Variants in SIPA1L1 observed in about 807,000 individuals in gnomAD.
SIPA1L1 encodes signal induced proliferation associated 1 like 1.
A neutral mutation model predicts 162.7 loss-of-function variants in SIPA1L1; 26 were observed. That is an observed-to-expected ratio of 0.16 (90% confidence interval 0.12 to 0.22). The LOEUF is 0.22. Ranked by LOEUF, SIPA1L1 falls within the 10% of genes least tolerant of loss-of-function variation. The pLI is 1.00. For missense variants in SIPA1L1, 1,874 were observed against 2,241.0 expected, an observed-to-expected ratio of 0.84 and a Z score of 3.31; for synonymous variants, 829 against 837.4, an observed-to-expected ratio of 0.99 and a Z score of 0.17.
At chr14:71,652,754 G>A (rs902005324) in intron 8 of SIPA1L1, among the ~76,000 whole-genome samples, 11 of 150,728 alleles carry the variant, frequency 7.3e-5, no homozygotes, top group South Asian at 2.1e-4. Flanking sequence ...TGTTAATCCC[G>A]TCCAGTGAAA....
chr14:71,352,030 A>C (rs1478746156), intron 2 of SIPA1L1, among the ~76,000 whole-genome samples: 1 of 151,404 alleles, frequency 6.6e-6, no homozygotes, highest in Non-Finnish European at 1.5e-5. Flanking sequence ...AAATAAGTAG[A>C]AAAGGAGTAT....
At chr14:71,585,767 T>C (rs1304672313) in intron 4 of SIPA1L1, among the ~76,000 whole-genome samples, 1 of 152,238 alleles carries the variant, frequency 6.6e-6, no homozygotes, top group Non-Finnish European at 1.5e-5. Context: ...AAATCTACTT[T>C]AGAAGTATTA....
chr14:71,730,958 AC>A (rs2084709971), intron 20 of SIPA1L1, among the ~76,000 whole-genome samples: 2 of 151,674 alleles, frequency 1.3e-5, no homozygotes, highest in Admixed American at 1.3e-4. Flanking sequence ...TCTCTGTCCC[AC>A]CCCATTCCAG....
At chr14:71,553,179 T>C (rs149533264) in intron 4 of SIPA1L1, among the ~76,000 whole-genome samples, 29 of 152,326 alleles carry the variant, frequency 1.9e-4, no homozygotes, top group African/African-American at 6.7e-4. Context: ...CTGGCTCAGC[T>C]TTTTTGGTGG....
intron 2 of SIPA1L1, among the ~76,000 whole-genome samples, chr14:71,333,512 C>A (rs2034778241): frequency 6.6e-6 from 1 of 152,154 alleles, no homozygotes; most frequent in South Asian, 2.1e-4. Flanking sequence ...TAAGAATTTC[C>A]TCCCATGTCG....
intron 2 of SIPA1L1, among the ~76,000 whole-genome samples, chr14:71,356,581 A>AAAAAAAAAAAAAAAAAAAAAAAAAC (rs2037281718): frequency 6.9e-6 from 1 of 144,904 alleles, no homozygotes; most frequent in African/African-American, 2.5e-5. Flanking sequence ...AAAAAAAAAA[A>AAAAAAAAAAAAAAAAAAAAAAAAAC]AAAAAAGCAC....
intron 2 of SIPA1L1, among the ~76,000 whole-genome samples, chr14:71,335,229 G>A (rs1324181333): frequency 6.6e-6 from 1 of 152,200 alleles, no homozygotes; most frequent in African/African-American, 2.4e-5. Context: ...GTGAACCCAG[G>A]AGGCGGAGCT....
At chr14:71,538,350 A>C (rs966759210) in intron 4 of SIPA1L1, among the ~76,000 whole-genome samples, 10 of 151,910 alleles carry the variant, frequency 6.6e-5, no homozygotes, top group African/African-American at 2.4e-4. Context: ...ATTCTTTGAG[A>C]TTCTTGGAGT....
intron 4 of SIPA1L1, among the ~76,000 whole-genome samples, chr14:71,542,982 C>T (rs944737408): frequency 1.3e-5 from 2 of 151,956 alleles, no homozygotes; most frequent in Non-Finnish European, 2.9e-5. Context: ...TCTGTCTTTA[C>T]CAGTCCCTCT....
intron 2 of SIPA1L1, among the ~76,000 whole-genome samples, chr14:71,381,355 A>G (rs1056662491): frequency 3.3e-5 from 5 of 152,156 alleles, no homozygotes; most frequent in African/African-American, 9.7e-5. Flanking sequence ...CCTGGCCCCA[A>G]TATGACTTAT....
At chr14:71,522,279 T>G (rs2052432034) in intron 3 of SIPA1L1, among the ~76,000 whole-genome samples, 1 of 152,152 alleles carries the variant, frequency 6.6e-6, no homozygotes, top group Non-Finnish European at 1.5e-5. Context: ...TGGTCAGTAT[T>G]TTTACTTTTA....
intron 3 of SIPA1L1, chr14:71,528,647 C>T (rs1175825863): frequency 1.3e-5 from 2 of 151,946 alleles, no homozygotes; most frequent in African/African-American, 2.4e-5. Context: ...AATGATACTC[C>T]ATCTCAAAAA....
At chr14:71,352,050 T>C (rs1184512495) in intron 2 of SIPA1L1, among the ~76,000 whole-genome samples, 2 of 151,518 alleles carry the variant, frequency 1.3e-5, no homozygotes, top group African/African-American at 4.9e-5. Context: ...TGATAAACAG[T>C]GAGACTGGTG....
At chr14:71,562,494 A>T (rs1285390896) in intron 4 of SIPA1L1, among the ~76,000 whole-genome samples, 1 of 152,174 alleles carries the variant, frequency 6.6e-6, no homozygotes, top group South Asian at 2.1e-4. Flanking sequence ...ATTTGTGTAC[A>T]TCAATAATGT....
intron 2 of SIPA1L1, among the ~76,000 whole-genome samples, chr14:71,409,541 T>C (rs2042260977): frequency 6.6e-6 from 1 of 152,196 alleles, no homozygotes; most frequent in Admixed American, 6.5e-5. Flanking sequence ...GTTTCACCTT[T>C]AGTAAAAGGA....
chr14:71,441,819 G>T (rs1230954197), intron 2 of SIPA1L1, among the ~76,000 whole-genome samples: 1 of 152,132 alleles, frequency 6.6e-6, no homozygotes, highest in Non-Finnish European at 1.5e-5. Flanking sequence ...GCTTTAAAAT[G>T]TTAGTAACAC....
At chr14:71,655,137 G>T (rs1449668778) in intron 8 of SIPA1L1, among the ~76,000 whole-genome samples, 1 of 151,982 alleles carries the variant, frequency 6.6e-6, no homozygotes, top group Non-Finnish European at 1.5e-5. Context: ...CCCCACTTTT[G>T]GACTCGCCAA....
intron 2 of SIPA1L1, among the ~76,000 whole-genome samples, chr14:71,342,962 A>G (rs987789341): frequency 7.2e-5 from 11 of 152,248 alleles, no homozygotes; most frequent in African/African-American, 2.2e-4. Context: ...AAAGAAGGCC[A>G]CGATGTGCCT....
At chr14:71,724,872 A>ACAAGC in intron 19 of SIPA1L1, 37 bp downstream of exon 19, 1 of 1,575,496 alleles carries the variant, frequency 6.3e-7, no homozygotes, top group Non-Finnish European at 8.7e-7. Flanking sequence ...GCAATTAGAA[A>ACAAGC]CAAGCCAGAC....
Sources: allele counts gnomAD v4.1 joint callset (sites outside exome capture counted in the v4.1 genomes callset), GRCh38; gene constraint gnomAD v4.1.1; transcripts MANE v1.5; gene names NCBI Gene and HGNC (gene_info 2026-07-23, HGNC 2026-07-21).